Variants in SPATA17 observed in about 807,000 individuals in gnomAD.
SPATA17 encodes the protein spermatogenesis associated 17.
A neutral mutation model predicts 62.2 loss-of-function variants in SPATA17; 53 were observed. The observed-to-expected ratio is 0.85, with a 90% CI of 0.68 to 1.07. SPATA17 has a LOEUF of 1.07. Ranked by LOEUF, SPATA17 falls within the 50% of genes least tolerant of loss-of-function variation. The pLI is 0.00. For missense variants in SPATA17, 466 were observed against 425.5 expected (o/e 1.10, Z -0.84); for synonymous variants, 146 against 146.8 (o/e 0.99, Z 0.04).
rs1412477535 is a variant in SPATA17, at chr1:217,867,235, C to T, written c.*216C>T. 1 of 152,098 alleles carries T rather than the reference C, an allele frequency of 6.6e-6. No homozygotes were observed. The highest frequency in any genetic ancestry group is 2.4e-5 in the African/African-American group (1 of 41,404). The allele number at this position is 152,098 out of a possible 1,614,324, so 9.4% of individuals were successfully genotyped here. The stretch of plus-strand genomic sequence containing the variant: ...AAATACTTAAACTTGAGTCTGTTAC[C>T]TCTGAGAATGTCTGTCACAATCACA... On this transcript the variant is annotated 3_prime_UTR_variant, in exon 11 of 11. Coordinates refer to ENST00000366933, the MANE Select transcript of SPATA17 (RefSeq NM_138796.4).
intron 5 of SPATA17, among the ~76,000 whole-genome samples, chr1:217,738,356 G>T (rs929420049): frequency 6.6e-6 from 1 of 152,112 alleles, no homozygotes; most frequent in East Asian, 1.9e-4. Context: ...AGAGAGAAAG[G>T]AGGAGACCAC....
intron 5 of SPATA17, among the ~76,000 whole-genome samples, chr1:217,734,952 C>G (rs899723042): frequency 2.6e-5 from 4 of 152,158 alleles, no homozygotes; most frequent in African/African-American, 4.8e-5. Flanking sequence ...TTGAGACCCA[C>G]TAACCTAGGC....
intron 5 of SPATA17, among the ~76,000 whole-genome samples, chr1:217,712,360 A>G (rs150794099): frequency 2.0e-5 from 3 of 152,092 alleles, no homozygotes; most frequent in Non-Finnish European, 4.4e-5. Flanking sequence ...TCCCAACCTC[A>G]GTTGATCCAC....
In SPATA17 at chr1:217,867,737, A is replaced by C. The variant is rs1046011536; in HGVS notation, c.*718A>C. On this transcript the variant is annotated 3_prime_UTR_variant, in exon 11 of 11. Coordinates refer to ENST00000366933, the MANE Select transcript of SPATA17 (RefSeq NM_138796.4). ...CTTAGATTTTCCTGGAATCCTTGGA[A>C]GTTAACTCAACATTTGAGGTTCCTA... 1.6e-4 allele frequency: 24 copies of C among 152,146 alleles called. No homozygotes were observed. The highest frequency in any genetic ancestry group is 5.6e-4 in the African/African-American group (23 of 41,426). 9.4% of individuals were successfully genotyped at this position (152,146 alleles called of 1,614,324 possible).
At chr1:217,823,589 A>G (rs1244091927) in intron 9 of SPATA17, among the ~76,000 whole-genome samples, 1 of 151,976 alleles carries the variant, frequency 6.6e-6, no homozygotes, top group East Asian at 1.9e-4. Flanking sequence ...TCTTTCTTCC[A>G]AGGAATCTCC....
At chr1:217,675,590 C>T (rs1335636975) in intron 4 of SPATA17, among the ~76,000 whole-genome samples, 1 of 152,074 alleles carries the variant, frequency 6.6e-6, no homozygotes, top group Admixed American at 6.5e-5. Flanking sequence ...TCATGTATTG[C>T]CAAATCTTGG....
At chr1:217,766,142 A>G (rs1673294423) in intron 6 of SPATA17, among the ~76,000 whole-genome samples, 1 of 151,922 alleles carries the variant, frequency 6.6e-6, no homozygotes, top group South Asian at 2.1e-4. Context: ...TGATTTATTT[A>G]GACCATTAGT....
chr1:217,647,138 A>C (rs1670200694), intron 1 of SPATA17, among the ~76,000 whole-genome samples: 2 of 152,236 alleles, frequency 1.3e-5, no homozygotes, highest in African/African-American at 4.8e-5. Context: ...AGTGCCTGAC[A>C]TATAAGGTTT....
intron 9 of SPATA17, among the ~76,000 whole-genome samples, chr1:217,826,107 A>G (rs1674996502): frequency 6.6e-6 from 1 of 152,072 alleles, no homozygotes; most frequent in South Asian, 2.1e-4. Context: ...CTATTTTACC[A>G]CAATTGTGCA....
At chr1:217,710,272 T>C (rs1298329641) in intron 5 of SPATA17, among the ~76,000 whole-genome samples, 1 of 152,170 alleles carries the variant, frequency 6.6e-6, no homozygotes, top group East Asian at 1.9e-4. Context: ...TCTAGACTGA[T>C]ATGCAAAAAC....
intron 5 of SPATA17, among the ~76,000 whole-genome samples, chr1:217,716,966 G>A (rs1229959374): frequency 6.6e-6 from 1 of 152,212 alleles, no homozygotes; most frequent in African/African-American, 2.4e-5. Flanking sequence ...AAAGGGTAAG[G>A]TCACACACCA....
intron 8 of SPATA17, among the ~76,000 whole-genome samples, chr1:217,793,219 T>G (rs1017847197): frequency 7.4e-6 from 1 of 135,150 alleles, no homozygotes; most frequent in East Asian, 2.1e-4. Flanking sequence ...GCAGTGGTTT[T>G]TGTTTTTTTT....
intron 1 of SPATA17, among the ~76,000 whole-genome samples, chr1:217,647,124 A>T (rs1670200504): frequency 6.6e-6 from 1 of 152,246 alleles, no homozygotes; most frequent in South Asian, 2.1e-4. Flanking sequence ...GAAATATTAG[A>T]AACAGTGCCT....
At chr1:217,732,323 T>C (rs1672419805) in intron 5 of SPATA17, among the ~76,000 whole-genome samples, 1 of 152,324 alleles carries the variant, frequency 6.6e-6, no homozygotes. Flanking sequence ...CTGCTTTATG[T>C]TAGCCTCAAG....
chr1:217,761,096 T>C (rs1673162609), intron 6 of SPATA17, among the ~76,000 whole-genome samples: 1 of 152,136 alleles, frequency 6.6e-6, no homozygotes, highest in Non-Finnish European at 1.5e-5. Context: ...AAATAACTCT[T>C]GGTAAGGCCA....
At chr1:217,730,901 A>G (rs913258862) in intron 5 of SPATA17, among the ~76,000 whole-genome samples, 19 of 152,294 alleles carry the variant, frequency 1.2e-4, no homozygotes, top group African/African-American at 4.6e-4. Context: ...TAAACTTTTT[A>G]GTCACATTTT....
At chr1:217,775,465 G>GAGGCCA (rs1673563954) in intron 7 of SPATA17, among the ~76,000 whole-genome samples, 1 of 152,098 alleles carries the variant, frequency 6.6e-6, no homozygotes, top group Admixed American at 6.6e-5. Context: ...AGCACTTTGG[G>GAGGCCA]AGGCCAAGGC....
intron 3 of SPATA17, among the ~76,000 whole-genome samples, chr1:217,655,006 A>T (rs540051453): frequency 6.6e-6 from 1 of 152,294 alleles, no homozygotes; most frequent in Non-Finnish European, 1.5e-5. Flanking sequence ...CACCGCACCC[A>T]GCCCTACATA....
intron 9 of SPATA17, among the ~76,000 whole-genome samples, chr1:217,809,322 A>G (rs1162917185): frequency 6.6e-6 from 1 of 152,182 alleles, no homozygotes; most frequent in African/African-American, 2.4e-5. Flanking sequence ...GAACTGATGG[A>G]CAAACCTAAA....
Sources: allele counts gnomAD v4.1 joint callset (sites outside exome capture counted in the v4.1 genomes callset), GRCh38; gene constraint gnomAD v4.1.1; transcripts MANE v1.5; gene names NCBI Gene and HGNC (gene_info 2026-07-23, HGNC 2026-07-21).